The following RALYL variants were observed in gnomAD, a reference collection of about 807,000 sequenced individuals.
RALYL encodes the protein RNA-binding Raly-like protein.
In RALYL, 29 loss-of-function variants were observed where a neutral mutation model predicts 35.1. The observed-to-expected ratio is 0.83, with a 90% CI of 0.61 to 1.13. The LOEUF is 1.13. Among genes scored for constraint, RALYL ranks in the 50% most tolerant of loss-of-function variants. The pLI, the probability that RALYL is intolerant of heterozygous loss-of-function variation, is 0.00. For synonymous variants in RALYL, 120 were observed against 127.6 expected (o/e 0.94, Z 0.40); for missense variants, 359 against 360.4 (o/e 1.00, Z 0.03).
chr8:84,835,683 CAAAAAAAAA>C (rs5892932), intron 4 of RALYL, among the ~76,000 whole-genome samples: 1 of 72,556 alleles, frequency 1.4e-5, no homozygotes, highest in African/African-American at 5.2e-5. Context: ...AACTCCGTCT[CAAAAAAAAA>C]AAAAAAAAAA....
chr8:84,761,843 T>C (rs2133375135), intron 2 of RALYL, among the ~76,000 whole-genome samples: 1 of 152,302 alleles, frequency 6.6e-6, no homozygotes, highest in South Asian at 2.1e-4. Context: ...CATTGTGTAT[T>C]AGGAGTTATA....
At chr8:84,705,313 G>C (rs371356888) in intron 2 of RALYL, among the ~76,000 whole-genome samples, 35 of 152,150 alleles carry the variant, frequency 2.3e-4, no homozygotes, top group African/African-American at 8.2e-4. Flanking sequence ...GGTTGGGGGT[G>C]GGGGAAGCTT....
At position 84,200,941 on chromosome 8, in the gene RALYL, C is replaced by T. The variant is rs73295603; in HGVS notation, c.-24+16517C>T. ...TCATGAATGTTTTAGTGTAGTTATC[C>T]AACAAATATTTCATGAAAATTCATT... On this transcript the variant is annotated intron_variant, in intron 1 of 8. Transcript: ENST00000521268. 1.2e-3 allele frequency among the ~76,000 whole-genome samples: 184 copies of T among 152,088 alleles called. 1 individual carries two copies. The highest frequency in any genetic ancestry group is 3.9e-3 in the African/African-American group (162 of 41,506).
chr8:84,779,019 C>G (rs1176184973), intron 3 of RALYL, among the ~76,000 whole-genome samples: 1 of 152,180 alleles, frequency 6.6e-6, no homozygotes, highest in Non-Finnish European at 1.5e-5. Flanking sequence ...AAATGTCTCC[C>G]ATTAGAGTCT....
At chr8:84,355,192 A>G (rs1586555669) in intron 1 of RALYL, among the ~76,000 whole-genome samples, 1 of 150,302 alleles carries the variant, frequency 6.7e-6, no homozygotes, top group African/African-American at 2.5e-5. Context: ...TCATTCTTCC[A>G]TTGTTTCTAT....
intron 1 of RALYL, among the ~76,000 whole-genome samples, chr8:84,274,582 T>TTAAATAAATACCAGAGGTGACA (rs1834991422): frequency 6.6e-6 from 1 of 152,098 alleles, no homozygotes; most frequent in Non-Finnish European, 1.5e-5. Flanking sequence ...TCAAAAACAT[T>TTAAATAAATACCAGAGGTGACA]TAAATAAATA....
At chr8:84,338,678 T>G (rs1389842794) in intron 1 of RALYL, among the ~76,000 whole-genome samples, 1 of 152,066 alleles carries the variant, frequency 6.6e-6, no homozygotes, top group Non-Finnish European at 1.5e-5. Flanking sequence ...CCCTCTTTGG[T>G]CTTTTTTATA....
Position 84,897,083 on chromosome 8 carries a change from C to A in RALYL, c.858+9307C>A, listed in dbSNP as rs532760147. Among the ~76,000 whole-genome samples the A allele has an allele frequency of 3.0e-4, 45 of 152,270 alleles. No homozygotes were observed. In the South Asian group the frequency reaches 4.8e-3, roughly 16 times the overall value. The stretch of plus-strand genomic sequence containing the variant: ...AATGGAATTGAATACTGGCCTTGAA[C>A]AAACTATTTAACTTCTTTCAGCCTT... On this transcript the variant is annotated intron_variant, in intron 8 of 8. Transcript: ENST00000521268.
chr8:84,907,453 G>T (rs1456002091), intron 8 of RALYL, among the ~76,000 whole-genome samples: 1 of 151,994 alleles, frequency 6.6e-6, no homozygotes, highest in Non-Finnish European at 1.5e-5. Context: ...ACAATGCTGA[G>T]TTTTTTATAT....
At chr8:84,393,127 G>A (rs1031205538) in intron 1 of RALYL, among the ~76,000 whole-genome samples, 1 of 152,146 alleles carries the variant, frequency 6.6e-6, no homozygotes, top group East Asian at 1.9e-4. Context: ...TGTGAGTCAG[G>A]TGTCCAGGTG....
intron 2 of RALYL, among the ~76,000 whole-genome samples, chr8:84,730,426 T>C (rs1229346893): frequency 6.6e-6 from 1 of 152,114 alleles, no homozygotes; most frequent in African/African-American, 2.4e-5. Flanking sequence ...ACAGCCAATA[T>C]CATACTGAAT....
chr8:84,183,004 T>C (rs1401921903), upstream of RALYL: 1 of 152,812 alleles, frequency 6.5e-6, no homozygotes, highest in South Asian at 2.0e-4. Context: ...GCAACAACTT[T>C]GAGGTGAGCA....
intron 2 of RALYL, among the ~76,000 whole-genome samples, chr8:84,575,421 G>A (rs925487109): frequency 6.6e-6 from 1 of 152,054 alleles, no homozygotes; most frequent in African/African-American, 2.4e-5. Flanking sequence ...TTTAGTTTGA[G>A]GATAAAATTT....
intron 1 of RALYL, among the ~76,000 whole-genome samples, chr8:84,481,748 G>A (rs2054064847): frequency 6.6e-6 from 1 of 152,072 alleles, no homozygotes; most frequent in Non-Finnish European, 1.5e-5. Context: ...TCATTTGTAT[G>A]AGTATCTAAA....
intron 1 of RALYL, among the ~76,000 whole-genome samples, chr8:84,234,171 A>G (rs1273534781): frequency 1.3e-5 from 2 of 152,240 alleles, no homozygotes; most frequent in African/African-American, 2.4e-5. Flanking sequence ...AAAAAAATCC[A>G]GAGTTAAATT....
At chr8:84,356,736 C>A (rs1217972180) in intron 1 of RALYL, among the ~76,000 whole-genome samples, 2 of 150,196 alleles carry the variant, frequency 1.3e-5, no homozygotes, top group East Asian at 1.9e-4. Flanking sequence ...GATTAGTAAT[C>A]TGAAATGAAA....
chr8:84,224,090 A>G (rs1437129657), intron 1 of RALYL, among the ~76,000 whole-genome samples: 2 of 152,110 alleles, frequency 1.3e-5, no homozygotes. Flanking sequence ...ACCCTTATAC[A>G]TAGATAAAAA....
At chr8:84,233,703 A>G (rs1825869834) in intron 1 of RALYL, among the ~76,000 whole-genome samples, 1 of 152,126 alleles carries the variant, frequency 6.6e-6, no homozygotes, top group Non-Finnish European at 1.5e-5. Flanking sequence ...TCTTGCCTCC[A>G]TTCTTTTTCC....
Position 84,862,326 on chromosome 8 carries a change from A to G in RALYL, c.444A>G (p.Pro148=), listed in dbSNP as rs768297404. 6.3e-7 allele frequency: 1 copy of G among 1,594,896 alleles called. No homozygotes were observed. The highest frequency in any genetic ancestry group is 1.1e-5 in the South Asian group (1 of 88,458). The change falls in exon 6 of 9, where the codon CCA becomes CCG. Residue 148 remains proline (P), a synonymous_variant. Coordinates refer to ENST00000521268, the MANE Select transcript of RALYL (RefSeq NM_173848.7). ...RLFDYHGRVP[P]PPRAVIPLKR... ...TTGATTACCACGGGCGTGTGCCTCC[A>G]CCTCCCCGTGCAGTAATTCCGCTGA...
Sources: allele counts gnomAD v4.1 joint callset (sites outside exome capture counted in the v4.1 genomes callset), GRCh38; gene constraint gnomAD v4.1.1; transcripts MANE v1.5; gene names NCBI Gene and HGNC (gene_info 2026-07-23, HGNC 2026-07-21).